The following SLC25A53 variants were observed in gnomAD, a reference collection of about 807,000 sequenced individuals.
SLC25A53 encodes solute carrier family 25 member 53.
In SLC25A53, 5 loss-of-function variants were observed where a neutral mutation model predicts 15.0. The ratio of observed to expected loss-of-function variants is 0.33; its 90% confidence interval spans 0.17 to 0.70. The LOEUF (loss-of-function observed/expected upper bound fraction) is 0.70. SLC25A53 is among the 30% of genes least tolerant of loss of function. The pLI is 0.67. For missense variants in SLC25A53, 216 were observed against 241.6 expected (o/e 0.89, Z 0.70); for synonymous variants, 95 against 100.0 (o/e 0.95, Z 0.30).
At position 104,127,837 on chromosome X, in the gene SLC25A53, G is replaced by A. The variant is rs202142615; in HGVS notation, c.-31-22549C>T. Among the ~76,000 whole-genome samples, 10 of 111,269 alleles carry A rather than the reference G, an allele frequency of 9.0e-5. No homozygotes were observed. In the East Asian group the frequency reaches 2.8e-3, roughly 32 times the overall value. On this transcript the variant is annotated intron_variant, in intron 1 of 1. Coordinates refer to ENST00000594199, the MANE Select transcript of SLC25A53 (RefSeq NM_001012755.5). ...AAATTAGCTTGGCATGGTGGCACATGCCTGTAATCCCAGCTACTCAGGAGG... is the reference window on the plus strand; with the variant it reads ...AAATTAGCTTGGCATGGTGGCACATACCTGTAATCCCAGCTACTCAGGAGG...
Position 104,101,912 on chromosome X carries a change from A to G in SLC25A53, c.*2422T>C, listed in dbSNP as rs1437601468. 3 of 112,631 alleles carry G rather than the reference A, an allele frequency of 2.7e-5. No individual in the cohort carries two copies. Among genetic ancestry groups the G allele is most frequent in the Non-Finnish European group, 5.6e-5 (3 of 53,378 alleles). The allele number at this position is 112,631 out of a possible 1,213,427, so 9.3% of individuals were successfully genotyped here. On this transcript the variant is annotated 3_prime_UTR_variant, in exon 2 of 2. Transcript: ENST00000594199. ...TGAAATTATTTTTAAATAAGAAGTT[A>G]AAATGAAGAAAGGGACATGGATGGA...
chrX:104,137,773 C>T (rs2075440533), intron 1 of SLC25A53, among the ~76,000 whole-genome samples: 2 of 111,649 alleles, frequency 1.8e-5, no homozygotes, highest in Middle Eastern at 4.6e-3. Flanking sequence ...TTCAATCCTT[C>T]GTTATAAATG....
intron 1 of SLC25A53, among the ~76,000 whole-genome samples, chrX:104,123,158 G>A (rs1886598410): frequency 8.9e-6 from 1 of 112,325 alleles, no homozygotes; most frequent in Admixed American, 9.4e-5. Flanking sequence ...TACCTAAACC[G>A]TCCCTCCCAG....
intron 1 of SLC25A53, among the ~76,000 whole-genome samples, chrX:104,146,276 C>G (rs1198635199): frequency 1.8e-5 from 2 of 112,007 alleles, no homozygotes; most frequent in African/African-American, 3.3e-5. Context: ...TAAAACCTCT[C>G]AATAAACTAG....
chrX:104,117,205 T>C (rs2075380320), intron 1 of SLC25A53, among the ~76,000 whole-genome samples: 1 of 80,950 alleles, frequency 1.2e-5, no homozygotes. Context: ...GCTCCATCCA[T>C]ATCCCCACAA....
At chrX:104,110,491 A>G (rs1414271066) in intron 1 of SLC25A53, among the ~76,000 whole-genome samples, 1 of 112,255 alleles carries the variant, frequency 8.9e-6, no homozygotes, top group African/African-American at 3.2e-5. Context: ...GGAAAGGAGC[A>G]AGTGAAGTAC....
Position 104,107,956 on chromosome X carries a change from G to A in SLC25A53, c.-31-2668C>T, listed in dbSNP as rs188041301. 5.3e-5 allele frequency among the ~76,000 whole-genome samples: 6 copies of A among 112,181 alleles called. No individual in the cohort carries two copies. The East Asian group carries it at 1.7e-3, about 31-fold the overall frequency. ...TCATCTCCATACTGTATCTGTCAGA[G>A]GGGGGTGATATTGGGCATTCAGGTC... On this transcript the variant is annotated intron_variant, in intron 1 of 1. Coordinates refer to ENST00000594199, the MANE Select transcript of SLC25A53 (RefSeq NM_001012755.5).
At position 104,100,224 on chromosome X, in the gene SLC25A53, TTG is replaced by T. The variant is rs2075274609; in HGVS notation, c.*4108_*4109del. On this transcript the variant is annotated 3_prime_UTR_variant, in exon 2 of 2. Transcript: ENST00000594199. ...TGTCATAAAACGTTATTATTTCAAC[TTG>T]AGCTTTATAAAAGCTGATGTAGTTT... 8.9e-6 allele frequency: 1 copy of T among 112,035 alleles called. No homozygotes were observed. The highest frequency in any genetic ancestry group is 1.9e-5 in the Non-Finnish European group (1 of 53,172). The allele number at this position is 112,035 out of a possible 1,213,427, so 9.2% of individuals were successfully genotyped here. A position where few individuals can be genotyped will look rare whatever the true frequency, so the allele number is the denominator to read the frequency against.
intron 1 of SLC25A53, chrX:104,115,166 G>A (rs1556360968): frequency 8.3e-7 from 1 of 1,209,565 alleles, no homozygotes; most frequent in Non-Finnish European, 1.1e-6. Flanking sequence ...TGCTCATATT[G>A]TGGGGAGGAG....
chrX:104,108,664 C>T (rs1292190515), intron 1 of SLC25A53, among the ~76,000 whole-genome samples: 7 of 111,448 alleles, frequency 6.3e-5, no homozygotes, highest in Non-Finnish European at 3.8e-5. Context: ...CTATGACCTG[C>T]CTCCTATGTT....
At position 104,151,107 on chromosome X, in the gene SLC25A53, T is replaced by C. The variant is rs782779912; in HGVS notation, c.-32+5771A>G. ...CTATTAAAATGCCCCTAAAGTTATA[T>C]ATATATATCTTAAATATATGTGTAT... On this transcript the variant is annotated intron_variant, in intron 1 of 1. Transcript: ENST00000594199. Among the ~76,000 whole-genome samples, 16 of 111,979 alleles carry C rather than the reference T, an allele frequency of 1.4e-4. 1 individual carries two copies. In the South Asian group the frequency reaches 6.0e-3, roughly 42 times the overall value.
rs1420965716 is a variant in SLC25A53 at position 104,102,078 on chromosome X, G to A, written c.*2256C>T. 4 of 111,665 alleles carry A rather than the reference G, an allele frequency of 3.6e-5. No homozygotes were observed. Among genetic ancestry groups the A allele is most frequent in the Admixed American group, 9.5e-5 (1 of 10,526 alleles). The allele number at this position is 111,665 out of a possible 1,213,427, so 9.2% of individuals were successfully genotyped here. A position where few individuals can be genotyped will look rare whatever the true frequency, so the allele number is the denominator to read the frequency against. ...CAACACATCCCGATCTGCAGATGTG[G>A]AAGCTCATCTTCAGCTCTCCTGGAC... On this transcript the variant is annotated 3_prime_UTR_variant, in exon 2 of 2. Coordinates refer to ENST00000594199, the MANE Select transcript of SLC25A53 (RefSeq NM_001012755.5).
In SLC25A53 at chrX:104,125,335, T is replaced by C. The variant is rs548646599; in HGVS notation, c.-31-20047A>G. ...ATACTCTCTTTCATATTGTCTGCTG[T>C]GCTAAAATAAACCCTCTCCACTGTC... On this transcript the variant is annotated intron_variant, in intron 1 of 1. Coordinates refer to ENST00000594199, the MANE Select transcript of SLC25A53 (RefSeq NM_001012755.5). Among the ~76,000 whole-genome samples, 13 of 111,839 alleles carry C rather than the reference T, an allele frequency of 1.2e-4. No individual in the cohort carries two copies. In the South Asian group the frequency reaches 4.9e-3, roughly 42 times the overall value.
chrX:104,112,714 A>C (rs1443158232), intron 1 of SLC25A53: 3 of 113,121 alleles, frequency 2.7e-5, no homozygotes, highest in Admixed American at 1.8e-4. Context: ...GGCGGCAGAG[A>C]TCCCGTTCCC....
In SLC25A53 at chrX:104,103,663, T is replaced by C. The variant is rs1241875267; in HGVS notation, c.*671A>G. On this transcript the variant is annotated 3_prime_UTR_variant, in exon 2 of 2. Coordinates refer to ENST00000594199, the MANE Select transcript of SLC25A53 (RefSeq NM_001012755.5). ...ATAGCAAATGTTTCTATTTTGCATG[T>C]AATTAAATCTTTTCTTTCAAAGTTT... 7.1e-5 allele frequency: 8 copies of C among 112,242 alleles called. No homozygotes were observed. Among genetic ancestry groups the C allele is most frequent in the Non-Finnish European group, 1.5e-4 (8 of 53,349 alleles). 9.3% of individuals were successfully genotyped at this position (112,242 alleles called of 1,213,427 possible).
At chrX:104,150,285 C>T (rs900855354) in intron 1 of SLC25A53, among the ~76,000 whole-genome samples, 9 of 109,895 alleles carry the variant, frequency 8.2e-5, no homozygotes, top group African/African-American at 2.6e-4. Context: ...CATCCACATC[C>T]AGCCCCAAGC....
intron 1 of SLC25A53, chrX:104,113,898 C>A: frequency 2.0e-6 from 1 of 497,053 alleles, no homozygotes; most frequent in Non-Finnish European, 3.2e-6. Flanking sequence ...ATATAAAATG[C>A]ACTGCAAGGC....
intron 1 of SLC25A53, among the ~76,000 whole-genome samples, chrX:104,107,697 G>A (rs1171054126): frequency 3.6e-5 from 4 of 112,158 alleles, no homozygotes; most frequent in Non-Finnish European, 7.5e-5. Context: ...CTGACACCAT[G>A]AGGCAGGATG....
At chrX:104,128,149 G>C (rs782287022) in intron 1 of SLC25A53, among the ~76,000 whole-genome samples, 15 of 111,330 alleles carry the variant, frequency 1.3e-4, no homozygotes, top group Non-Finnish European at 2.8e-4. Flanking sequence ...AAAAAGAAGT[G>C]TATCAGTGCT....
Sources: gnomAD v4.1 joint callset for allele counts (sites outside exome capture counted in the v4.1 genomes callset) on GRCh38, gnomAD v4.1.1 for gene constraint, MANE v1.5 for transcripts, NCBI Gene and HGNC (gene_info 2026-07-23, HGNC 2026-07-21) for gene names.